Variants in ANGPT2 observed in about 807,000 individuals in gnomAD.
ANGPT2 encodes the protein angiopoietin-2.
A neutral mutation model predicts 62.9 loss-of-function variants in ANGPT2; 28 were observed. The ratio of observed to expected loss-of-function variants is 0.44; its 90% CI spans 0.33 to 0.61. The LOEUF (loss-of-function observed/expected upper bound fraction) is 0.61, where lower values mean the gene tolerates loss of function less well. Ranked by LOEUF, ANGPT2 falls within the 20% of genes least tolerant of loss-of-function variation. The pLI is 0.03. For synonymous variants in ANGPT2, 284 were observed against 207.8 expected (o/e 1.37, Z -3.15); for missense variants, 727 against 594.9 (o/e 1.22, Z -2.31).
At chr8:6,543,920 A>G (rs1481632139) in intron 1 of ANGPT2, among the ~76,000 whole-genome samples, 1 of 152,068 alleles carries the variant, frequency 6.6e-6, no homozygotes, top group African/African-American at 2.4e-5. Context: ...TCACATTAGA[A>G]ACACAGATTA....
intron 1 of ANGPT2, among the ~76,000 whole-genome samples, chr8:6,557,997 C>A (rs1032637163): frequency 6.6e-6 from 1 of 152,160 alleles, no homozygotes; most frequent in African/African-American, 2.4e-5. Context: ...CTGACTCCCT[C>A]ACAGGTGGTG....
At position 6,510,520 on chromosome 8, in the gene ANGPT2, G is replaced by A. The variant is rs549619415; in HGVS notation, c.1197-1458C>T. On this transcript the variant is annotated intron_variant, in intron 7 of 8. Transcript: ENST00000629816. ...GTTCTTTTAGTTTTACCTGCTGGTC[G>A]GGCCAGGCCAGGTGCTTACACCTGC... Among the ~76,000 whole-genome samples the A allele has an allele frequency of 4.7e-4, 72 of 152,276 alleles. No individual in the cohort carries two copies. The South Asian group carries it at 0.013, about 28-fold the overall frequency.
intron 3 of ANGPT2, among the ~76,000 whole-genome samples, chr8:6,523,244 G>A (rs1031987392): frequency 6.6e-6 from 1 of 152,076 alleles, no homozygotes; most frequent in Non-Finnish European, 1.5e-5. Flanking sequence ...TGATCCGCCC[G>A]CCCCTGCCTC....
chr8:6,526,042 G>C (rs1252047427), intron 3 of ANGPT2, among the ~76,000 whole-genome samples: 1 of 152,020 alleles, frequency 6.6e-6, no homozygotes, highest in Non-Finnish European at 1.5e-5. Flanking sequence ...TGTATAACAG[G>C]CAAGAGAAAA....
intron 1 of ANGPT2, among the ~76,000 whole-genome samples, chr8:6,546,413 T>C (rs1405204685): frequency 1.3e-5 from 2 of 152,174 alleles, no homozygotes; most frequent in Non-Finnish European, 2.9e-5. Context: ...AAAATTAGCA[T>C]AGAGCGTAAA....
rs73661403 is a variant in ANGPT2 at position 6,557,069 on chromosome 8, G to A, written c.288+5578C>T. Among the ~76,000 whole-genome samples, 1,176 of 152,248 alleles carry A rather than the reference G, an allele frequency of 7.7e-3. 20 individuals carry two copies. Among genetic ancestry groups the A allele is most frequent in the African/African-American group, 0.027 (1,113 of 41,548 alleles). On this transcript the variant is annotated intron_variant, in intron 1 of 8. Transcript: ENST00000629816. ...GGTCATATGGTGTTCACTCACTTAC[G>A]CTAATGAACTGAGAAATAACGCACT...
intron 2 of ANGPT2, among the ~76,000 whole-genome samples, chr8:6,528,214 G>A (rs933868045): frequency 6.6e-6 from 1 of 152,108 alleles, no homozygotes; most frequent in South Asian, 2.1e-4. Context: ...TCTCTATCTT[G>A]GAAAGTGGTT....
chr8:6,544,975 G>A (rs1822296826), intron 1 of ANGPT2, among the ~76,000 whole-genome samples: 1 of 152,170 alleles, frequency 6.6e-6, no homozygotes, highest in South Asian at 2.1e-4. Flanking sequence ...CATGGAGACT[G>A]GTATGATGAG....
intron 7 of ANGPT2, among the ~76,000 whole-genome samples, chr8:6,513,071 T>C (rs2129567427): frequency 6.6e-6 from 1 of 152,358 alleles, no homozygotes; most frequent in South Asian, 2.1e-4. Context: ...GAACACTTAC[T>C]ATTCACTGAT....
intron 2 of ANGPT2, among the ~76,000 whole-genome samples, chr8:6,528,354 C>T (rs1047974134): frequency 6.6e-6 from 1 of 152,154 alleles, no homozygotes; most frequent in Non-Finnish European, 1.5e-5. Context: ...AAGTATTTTC[C>T]CTTTGCCGAA....
Position 6,499,907 on chromosome 8 carries a change from C to G in ANGPT2, c.*3194G>C, listed in dbSNP as rs78564196. On this transcript the variant is annotated 3_prime_UTR_variant, in exon 9 of 9. Coordinates refer to ENST00000629816, the MANE Select transcript of ANGPT2 (RefSeq NM_001118887.2). ...ATTTCTGAGGAGCCGTTCGAACTGTCTCACCACTTCCCTGCAGCTCCCGTA... is the reference window on the plus strand; with the variant it reads ...ATTTCTGAGGAGCCGTTCGAACTGTGTCACCACTTCCCTGCAGCTCCCGTA... The G allele has an allele frequency of 9.3e-6, 15 of 1,613,728 alleles. No individual in the cohort carries two copies. The East Asian group carries it at 1.3e-4, about 14-fold the overall frequency.
chr8:6,544,405 A>T (rs1359268199), intron 1 of ANGPT2, among the ~76,000 whole-genome samples: 1 of 152,244 alleles, frequency 6.6e-6, no homozygotes, highest in South Asian at 2.1e-4. Flanking sequence ...GACTTTGGGC[A>T]AATCACTGAA....
intron 1 of ANGPT2, among the ~76,000 whole-genome samples, chr8:6,541,804 G>C (rs1336831834): frequency 6.6e-6 from 1 of 152,098 alleles, no homozygotes; most frequent in Non-Finnish European, 1.5e-5. Context: ...AGCAGTTCAA[G>C]ACCAGCCTAG....
At chr8:6,549,302 A>G (rs1823167827) in intron 1 of ANGPT2, among the ~76,000 whole-genome samples, 1 of 152,278 alleles carries the variant, frequency 6.6e-6, no homozygotes. Context: ...TTTAACATGC[A>G]CAACAACATG....
intron 2 of ANGPT2, among the ~76,000 whole-genome samples, chr8:6,530,723 G>T (rs1035702475): frequency 6.6e-6 from 1 of 152,056 alleles, no homozygotes; most frequent in Non-Finnish European, 1.5e-5. Context: ...GAAAGACCTG[G>T]TAGTCAAGTA....
chr8:6,500,816 T>G lies in ANGPT2; in HGVS notation c.*2285A>C, dbSNP rs548373756. On this transcript the variant is annotated 3_prime_UTR_variant, in exon 9 of 9. Transcript: ENST00000629816. ...CACAAATTCCCCCCATTCTCGCTCATAAGAGATTATATATGATGCACAATG... is the reference window on the plus strand; with the variant it reads ...CACAAATTCCCCCCATTCTCGCTCAGAAGAGATTATATATGATGCACAATG... The G allele has an allele frequency of 5.3e-5, 8 of 152,308 alleles. No individual in the cohort carries two copies. Among genetic ancestry groups the G allele is most frequent in the Non-Finnish European group, 8.8e-5 (6 of 68,024 alleles). 9.4% of individuals were successfully genotyped at this position (152,308 alleles called of 1,614,324 possible). A position where few individuals can be genotyped will look rare whatever the true frequency, so the allele number is the denominator to read the frequency against.
chr8:6,544,400 T>C (rs143685447), intron 1 of ANGPT2, among the ~76,000 whole-genome samples: 1 of 152,236 alleles, frequency 6.6e-6, no homozygotes. Flanking sequence ...ATTATGACTT[T>C]GGGCAAATCA....
intron 5 of ANGPT2, among the ~76,000 whole-genome samples, chr8:6,518,101 G>T (rs951642732): frequency 6.6e-6 from 1 of 152,090 alleles, no homozygotes; most frequent in African/African-American, 2.4e-5. Context: ...GTGGGACAGT[G>T]CACTGGGGTG....
intron 5 of ANGPT2, among the ~76,000 whole-genome samples, chr8:6,518,509 C>T (rs1816724457): frequency 6.6e-6 from 1 of 152,148 alleles, no homozygotes; most frequent in Non-Finnish European, 1.5e-5. Flanking sequence ...CTTTGGAAAG[C>T]ATTATGTTGA....
Sources: gnomAD v4.1 joint callset for allele counts (sites outside exome capture counted in the v4.1 genomes callset) on GRCh38, gnomAD v4.1.1 for gene constraint, MANE v1.5 for transcripts, NCBI Gene and HGNC (gene_info 2026-07-23, HGNC 2026-07-21) for gene names.